ABCC8: variants seen among roughly 807,000 people sequenced by gnomAD.
The protein encoded by ABCC8 is ATP-binding cassette sub-family C member 8.
Under a neutral mutation model 188.0 loss-of-function variants are expected in ABCC8, and 137 were observed. The ratio of observed to expected loss-of-function variants is 0.73; its 90% CI spans 0.63 to 0.84. The LOEUF (loss-of-function observed/expected upper bound fraction) is 0.84, where lower values mean the gene tolerates loss of function less well. ABCC8 is among the 40% of genes least tolerant of loss of function. The pLI, the probability that ABCC8 is intolerant of heterozygous loss-of-function variation, is 0.00. For missense variants in ABCC8, 1,750 were observed against 2,072.7 expected (o/e 0.84, Z 3.02); for synonymous variants, 797 against 846.5 (o/e 0.94, Z 1.01).
At chr11:17,412,314 C>T (rs1272875859) in intron 21 of ABCC8, among the ~76,000 whole-genome samples, 1 of 152,184 alleles carries the variant, frequency 6.6e-6, no homozygotes, top group Non-Finnish European at 1.5e-5. Flanking sequence ...CTGCACTGGG[C>T]ATAAGATGGG....
chr11:17,406,506 A>T, intron 26 of ABCC8, 116 bp downstream of exon 26: 1 of 1,144,208 alleles, frequency 8.7e-7, no homozygotes, highest in Non-Finnish European at 1.2e-6. Context: ...TGTCTCCTTG[A>T]GTCACCCCCA....
intron 8 of ABCC8, among the ~76,000 whole-genome samples, chr11:17,444,716 GAAA>G (rs1956458036): frequency 6.6e-6 from 1 of 152,172 alleles, no homozygotes; most frequent in South Asian, 2.1e-4. Context: ...CACAGGTTAG[GAAA>G]AAAATCTAGC....
rs1281036350 is a variant in ABCC8 at position 17,397,032 on chromosome 11, G to A, written c.4003C>T (p.Pro1335Ser). 6.2e-7 allele frequency: 1 copy of A among 1,614,188 alleles called. No individual in the cohort carries two copies. Residue 1335 changes from proline (P) to serine (S), a missense_variant, in exon 33 of 39, where the codon CCA (proline) becomes TCA (serine). Pro to Ser is a moderately conservative substitution (Grantham distance 74). Transcript: ENST00000389817. The stretch of plus-strand genomic sequence containing the variant: ...TTCCCTTGGTCTGGCCAGTTCTTTG[G>A]GATCAGCGATGGTGCTGGGGGCCGG... ...YEGLLAPSLI[P>S]KNWPDQGKIQ...
At chr11:17,401,852 G>A (rs1187665510) in intron 29 of ABCC8, among the ~76,000 whole-genome samples, 1 of 140,970 alleles carries the variant, frequency 7.1e-6, no homozygotes, top group Non-Finnish European at 1.6e-5. Context: ...GATGGCAGGG[G>A]CACTGAAGTT....
intron 21 of ABCC8, among the ~76,000 whole-genome samples, chr11:17,412,183 C>T (rs1267978674): frequency 2.0e-5 from 3 of 152,322 alleles, no homozygotes; most frequent in South Asian, 2.1e-4. Context: ...TGAGCCACCG[C>T]GCCTGGCCTA....
At chr11:17,429,388 C>T (rs965060925) in intron 12 of ABCC8, 3 of 152,386 alleles carry the variant, frequency 2.0e-5, no homozygotes, top group Non-Finnish European at 4.4e-5. Flanking sequence ...CTGGAGTCTC[C>T]CTTTCTGTGC....
chr11:17,438,280 T>G (rs1956184289), intron 10 of ABCC8, among the ~76,000 whole-genome samples: 1 of 152,012 alleles, frequency 6.6e-6, no homozygotes, highest in Non-Finnish European at 1.5e-5. Context: ...GAAATATTTG[T>G]TTAAAAAAAA....
chr11:17,422,254 C>T lies in ABCC8; in HGVS notation c.2222+4795G>A, dbSNP rs529041013. ...AAACAGCAGATGAAGCTAATTGAGT[C>T]GTATCTGCCTAGACTCCTTCTCCTA... is the stretch of plus-strand genomic sequence containing the variant. On this transcript the variant is annotated intron_variant, in intron 16 of 38. Transcript: ENST00000389817. Among the ~76,000 whole-genome samples, 12 of 152,282 alleles carry T rather than the reference C, an allele frequency of 7.9e-5. No homozygotes were observed. The South Asian group carries it at 1.9e-3, about 24-fold the overall frequency.
rs773823246 is a variant in ABCC8 at position 17,476,616 on chromosome 11, T to G, written c.148+13A>C. The G allele has an allele frequency of 4.7e-5, 75 of 1,609,924 alleles. No homozygotes were observed. The highest frequency in any genetic ancestry group is 5.9e-5 in the Non-Finnish European group (70 of 1,178,416). On this transcript the variant is annotated intron_variant, in intron 1 of 38. Transcript: ENST00000389817. ...TCCCGTCCCCTCCTCCGCGGCTCGCTGCGCGCACTCACCAATGAAGAGGAT... is the reference window on the plus strand; with the variant it reads ...TCCCGTCCCCTCCTCCGCGGCTCGCGGCGCGCACTCACCAATGAAGAGGAT...
At chr11:17,463,002 G>GGGAAGT (rs1847918277) in intron 4 of ABCC8, among the ~76,000 whole-genome samples, 1 of 152,136 alleles carries the variant, frequency 6.6e-6, no homozygotes, top group African/African-American at 2.4e-5. Context: ...GAAGGGGAAG[G>GGGAAGT]TTGGAGTCTG....
intron 11 of ABCC8, 46 bp from the exon 12 acceptor site, chr11:17,431,005 G>A (rs556954243): frequency 1.2e-6 from 2 of 1,606,196 alleles, no homozygotes; most frequent in Admixed American, 3.4e-5. Context: ...CAGGGTGTGG[G>A]TCCCTCCCAC....
chr11:17,473,771 C>T (rs1396863609), intron 2 of ABCC8, among the ~76,000 whole-genome samples: 1 of 152,328 alleles, frequency 6.6e-6, no homozygotes, highest in East Asian at 1.9e-4. Context: ...CCTCTAGATT[C>T]TCCCTGCCTC....
At position 17,443,645 on chromosome 11, in the gene ABCC8, C is replaced by A. The variant is rs59392822; in HGVS notation, c.1333-333G>T. Among the ~76,000 whole-genome samples, 2,031 of 152,212 alleles carry A rather than the reference C, an allele frequency of 0.013. 44 individuals are homozygous for A. Among genetic ancestry groups the A allele is most frequent in the African/African-American group, 0.047 (1,936 of 41,512 alleles). On this transcript the variant is annotated intron_variant, in intron 8 of 38. Transcript: ENST00000389817. ...AGATTGCACAATGTTTGTGACAGCA[C>A]CTTTTGTTCTATTTGCTGGCTCTCA...
In ABCC8 at chr11:17,407,353, C is replaced by T; in HGVS notation, c.2920+1G>A. 1 of 1,614,196 alleles carries T rather than the reference C, an allele frequency of 6.2e-7. No homozygotes were observed. The highest frequency in any genetic ancestry group is 8.5e-7 in the Non-Finnish European group (1 of 1,180,036). On this transcript the variant is annotated splice_donor_variant, in intron 24 of 38. Coordinates refer to ENST00000389817, the MANE Select transcript of ABCC8 (RefSeq NM_000352.6). LOFTEE classifies it high-confidence loss of function. ...TTCACTCCCAGTCCCATTGCCTGTA[C>T]CTTCCTCCTCTTCCTCATCCTGCAG...
At position 17,428,660 on chromosome 11, in the gene ABCC8, G is replaced by A. The variant is rs2133540000; in HGVS notation, c.1828C>T (p.Leu610=). ...TCTGCACTGGACAGGAACTCGCTTAGCTTTTGCACGCTGCTCGGGAAGCAC... is the reference window on the plus strand; with the variant it reads ...TCTGCACTGGACAGGAACTCGCTTAACTTTTGCACGCTGCTCGGGAAGCAC... ...TVKALVSVQK[L]SEFLSSAEIR... Residue 610 remains leucine (L), a synonymous_variant, in exon 13 of 39, where the codon CTA becomes TTA. Transcript: ENST00000389817. 6.2e-7 allele frequency: 1 copy of A among 1,613,198 alleles called. No individual in the cohort carries two copies. Among genetic ancestry groups the A allele is most frequent in the Non-Finnish European group, 8.5e-7 (1 of 1,180,028 alleles).
Position 17,427,290 on chromosome 11 carries a change from G to C in ABCC8, c.2117-136C>G. On this transcript the variant is annotated intron_variant, in intron 15 of 38. Transcript: ENST00000389817. This position sits in a 1 kb window ranked among gnomAD's most constrained non-coding sequence, Gnocchi z 5.0. ...TCTTCCTACCTAGAATCCCCAGCAA[G>C]TCCTCTCCCTCTTTAATCCTTTCCT... 7.4e-7 allele frequency: 1 copy of C among 1,357,890 alleles called. No homozygotes were observed. Among genetic ancestry groups the C allele is most frequent in the Non-Finnish European group, 9.6e-7 (1 of 1,045,412 alleles). 84.1% of individuals were successfully genotyped at this position (1,357,890 alleles called of 1,614,324 possible).
At chr11:17,405,700 C>T (rs1253810743) in intron 26 of ABCC8, 137 bp from the exon 27 acceptor site, 1 of 1,519,826 alleles carries the variant, frequency 6.6e-7, no homozygotes, top group East Asian at 2.4e-5. Context: ...AATTTGTAGA[C>T]ATCTGGCCTG....
chr11:17,441,548 G>A (rs1956316204), intron 10 of ABCC8, among the ~76,000 whole-genome samples: 1 of 152,084 alleles, frequency 6.6e-6, no homozygotes, highest in Non-Finnish European at 1.5e-5. Flanking sequence ...TGGCCATAAT[G>A]ACTCTTAGAC....
intron 8 of ABCC8, among the ~76,000 whole-genome samples, chr11:17,447,504 C>A (rs1167316424): frequency 1.3e-5 from 2 of 152,194 alleles, no homozygotes; most frequent in East Asian, 3.8e-4. Context: ...TTGCTCACTG[C>A]AGCCTTGAAC....
Sources: gnomAD v4.1 joint callset for allele counts (sites outside exome capture counted in the v4.1 genomes callset) on GRCh38, gnomAD v4.1.1 for gene constraint, Gnocchi (gnomAD v3.1) non-coding constraint, MANE v1.5 for transcripts, NCBI Gene and HGNC (gene_info 2026-07-23, HGNC 2026-07-21) for gene names.